KCNH7: variants seen among roughly 807,000 people sequenced by gnomAD.
The protein encoded by KCNH7 is potassium voltage-gated channel subfamily H member 7, also known as voltage-gated inwardly rectifying potassium channel KCNH7.
In KCNH7, 49 loss-of-function variants were observed where a neutral mutation model predicts 120.8. That is an observed-to-expected ratio of 0.41 (90% confidence interval 0.32 to 0.51). The LOEUF is 0.51. Among genes scored for constraint, KCNH7 ranks in the 20% least tolerant of loss-of-function variants. The pLI is 0.38. For synonymous variants in KCNH7, 547 were observed against 516.1 expected, an observed-to-expected ratio of 1.06 and a Z score of -0.81; for missense variants, 1,097 against 1,446.6, an observed-to-expected ratio of 0.76 and a Z score of 3.92.
chr2:162,566,741 A>G (rs1429140972), intron 2 of KCNH7, among the ~76,000 whole-genome samples: 2 of 152,036 alleles, frequency 1.3e-5, no homozygotes, highest in Non-Finnish European at 2.9e-5. Flanking sequence ...CTGATTAGCA[A>G]AGGTTATGGT....
intron 4 of KCNH7, among the ~76,000 whole-genome samples, chr2:162,517,327 C>T (rs1401783894): frequency 1.3e-5 from 2 of 151,766 alleles, no homozygotes; most frequent in African/African-American, 2.4e-5. Context: ...TGGAAAGAGT[C>T]GGTCAATGAA....
chr2:162,638,545 T>C (rs1684040718), intron 2 of KCNH7, among the ~76,000 whole-genome samples: 1 of 152,008 alleles, frequency 6.6e-6, no homozygotes, highest in Non-Finnish European at 1.5e-5. Flanking sequence ...GATGAAATAG[T>C]AATAAAGAGC....
intron 2 of KCNH7, among the ~76,000 whole-genome samples, chr2:162,832,518 G>A (rs1394015153): frequency 6.6e-6 from 1 of 151,996 alleles, no homozygotes; most frequent in Non-Finnish European, 1.5e-5. Context: ...AATTTTGCAG[G>A]TTCTCTATGC....
At chr2:162,462,950 T>C (rs976253178) in intron 6 of KCNH7, among the ~76,000 whole-genome samples, 1 of 152,082 alleles carries the variant, frequency 6.6e-6, no homozygotes, top group African/African-American at 2.4e-5. Flanking sequence ...CCTGCTAAAT[T>C]TTCCTATCAG....
chr2:162,833,644 C>A (rs953584513), intron 2 of KCNH7, among the ~76,000 whole-genome samples: 2 of 152,076 alleles, frequency 1.3e-5, no homozygotes, highest in Non-Finnish European at 2.9e-5. Flanking sequence ...TGATAAACAG[C>A]AAGTTTAATT....
At chr2:162,763,673 GT>G (rs1689040476) in intron 2 of KCNH7, among the ~76,000 whole-genome samples, 1 of 151,546 alleles carries the variant, frequency 6.6e-6, no homozygotes, top group African/African-American at 2.4e-5. Flanking sequence ...TAGTAATGCT[GT>G]CTTAGTTGGG....
At chr2:162,560,522 C>G (rs1223892222) in intron 2 of KCNH7, among the ~76,000 whole-genome samples, 3 of 152,156 alleles carry the variant, frequency 2.0e-5, no homozygotes, top group Non-Finnish European at 4.4e-5. Context: ...AAAAAGGGAA[C>G]AGAGGGACAG....
intron 2 of KCNH7, among the ~76,000 whole-genome samples, chr2:162,835,353 A>G (rs1002805533): frequency 7.9e-5 from 12 of 151,954 alleles, no homozygotes; most frequent in Admixed American, 1.3e-4. Flanking sequence ...TAAGACTGAA[A>G]CCTTTTTCCT....
Position 162,533,245 on chromosome 2 carries a change from T to C in KCNH7, c.463+3680A>G, listed in dbSNP as rs551702102. Among the ~76,000 whole-genome samples, 132 of 151,784 alleles carry C rather than the reference T, an allele frequency of 8.7e-4. 1 individual carries two copies. The highest frequency in any genetic ancestry group is 2.9e-3 in the African/African-American group (121 of 41,498). On this transcript the variant is annotated intron_variant, in intron 3 of 15. Transcript: ENST00000332142. Reference sequence around the variant, plus strand: ...AGTTTTTAAAAGGGCAAAGAAAAGATAACATAATGAAGTACTTCAAGAAAG... The same window carrying C: ...AGTTTTTAAAAGGGCAAAGAAAAGACAACATAATGAAGTACTTCAAGAAAG...
chr2:162,793,759 G>T (rs1017099599), intron 2 of KCNH7, among the ~76,000 whole-genome samples: 2 of 151,938 alleles, frequency 1.3e-5, no homozygotes, highest in Non-Finnish European at 1.5e-5. Context: ...TGGTCAAATG[G>T]TAGAAAGTTT....
intron 2 of KCNH7, among the ~76,000 whole-genome samples, chr2:162,545,780 C>A (rs1330157014): frequency 6.6e-6 from 1 of 152,068 alleles, no homozygotes; most frequent in Non-Finnish European, 1.5e-5. Context: ...TATTAATATT[C>A]TGCACAAGAA....
intron 2 of KCNH7, among the ~76,000 whole-genome samples, chr2:162,667,387 C>T (rs967739271): frequency 2.0e-5 from 3 of 152,100 alleles, no homozygotes; most frequent in Non-Finnish European, 4.4e-5. Flanking sequence ...ATGCTACTCC[C>T]ATGTATAAAG....
At chr2:162,577,291 G>GTCTATCTATCTA (rs201620270) in intron 2 of KCNH7, among the ~76,000 whole-genome samples, 4,177 of 127,194 alleles carry the variant, frequency 0.033, 143 homozygotes, top group East Asian at 0.12. Flanking sequence ...AGATCTATCT[G>GTCTATCTATCTA]TCTATCTATC....
At chr2:162,377,966 T>C (rs1482310810) in intron 14 of KCNH7, among the ~76,000 whole-genome samples, 1 of 152,166 alleles carries the variant, frequency 6.6e-6, no homozygotes, top group Non-Finnish European at 1.5e-5. Context: ...AACAAATGTT[T>C]TAAGCAATCA....
At chr2:162,585,660 G>A (rs1694000612) in intron 2 of KCNH7, among the ~76,000 whole-genome samples, 1 of 151,552 alleles carries the variant, frequency 6.6e-6, no homozygotes, top group Non-Finnish European at 1.5e-5. Flanking sequence ...AGACACAACA[G>A]TATAAAGCAT....
intron 2 of KCNH7, among the ~76,000 whole-genome samples, chr2:162,815,373 T>C (rs1479552807): frequency 6.6e-6 from 1 of 152,210 alleles, no homozygotes. Flanking sequence ...TTCAATAAGC[T>C]ATAATGGCTT....
chr2:162,737,598 G>A lies in KCNH7; in HGVS notation c.307+98939C>T, dbSNP rs184276032. On this transcript the variant is annotated intron_variant, in intron 2 of 15. Coordinates refer to ENST00000332142, the MANE Select transcript of KCNH7 (RefSeq NM_033272.4). ...AATAAGGCCTTCCAAATCACATATTGTATTTCAGGAAAATTATATTAATGA... is the reference window on the plus strand; with the variant it reads ...AATAAGGCCTTCCAAATCACATATTATATTTCAGGAAAATTATATTAATGA... Among the ~76,000 whole-genome samples the A allele has an allele frequency of 4.7e-4, 72 of 152,226 alleles. 1 individual carries two copies. The highest frequency in any genetic ancestry group is 1.6e-3 in the African/African-American group (66 of 41,532).
chr2:162,736,701 G>C (rs1687923698), intron 2 of KCNH7, among the ~76,000 whole-genome samples: 1 of 152,056 alleles, frequency 6.6e-6, no homozygotes, highest in Non-Finnish European at 1.5e-5. Flanking sequence ...CTGTTGTAAT[G>C]GTTAATCAGA....
intron 3 of KCNH7, among the ~76,000 whole-genome samples, chr2:162,524,038 G>C (rs1009712114): frequency 6.6e-6 from 1 of 151,896 alleles, no homozygotes; most frequent in African/African-American, 2.4e-5. Context: ...CATAAGCAGA[G>C]ATCTGTCCCC....
Sources: allele counts gnomAD v4.1 joint callset (sites outside exome capture counted in the v4.1 genomes callset), GRCh38; gene constraint gnomAD v4.1.1; transcripts MANE v1.5; gene names NCBI Gene and HGNC (gene_info 2026-07-23, HGNC 2026-07-21).